The following HLA-DQB1 variants were observed in gnomAD, a reference collection of about 807,000 sequenced individuals.
HLA-DQB1 encodes the protein HLA class II histocompatibility antigen, DQ beta 1 chain.
A neutral mutation model predicts 26.4 loss-of-function variants in HLA-DQB1; 13 were observed. The observed-to-expected ratio is 0.49, with a 90% CI of 0.32 to 0.78. The LOEUF (loss-of-function observed/expected upper bound fraction) is 0.78, where lower values mean the gene tolerates loss of function less well. Ranked by LOEUF, HLA-DQB1 falls within the 30% of genes least tolerant of loss-of-function variation. The pLI is 0.03. For missense variants in HLA-DQB1, 158 were observed against 326.2 expected (o/e 0.48, Z 3.97); for synonymous variants, 60 against 129.1 (o/e 0.46, Z 3.63).
chr6:32,665,227 C>T lies in HLA-DQB1; in HGVS notation c.110-160G>A, dbSNP rs143370221. Among the ~76,000 whole-genome samples the T allele has an allele frequency of 0.015, 2,126 of 137,266 alleles. 159 individuals carry two copies. The South Asian group carries it at 0.17, about 11-fold the overall frequency. The allele number at this position is 137,266 out of a possible 152,430, so 90.1% of individuals were successfully genotyped here. On this transcript the variant is annotated intron_variant, in intron 1 of 4. Transcript: ENST00000434651. Reference sequence around the variant, plus strand: ...CCTGGGATCCTCCCGGCGGCTCTGCCCAGCTCTGCCCGCCTTCTTTGCGGG... The same window carrying T: ...CCTGGGATCCTCCCGGCGGCTCTGCTCAGCTCTGCCCGCCTTCTTTGCGGG...
rs1561997538 is a variant in HLA-DQB1 at position 32,662,945 on chromosome 6, C to CGT, written c.380-698_380-697insAC. Reference sequence around the variant, plus strand: ...CAGACATTATCGTGTATGTTCTCCACAGAAAATATTCTGAGATCCGTGCAG... The same window carrying CGT: ...CAGACATTATCGTGTATGTTCTCCACGTAGAAAATATTCTGAGATCCGTGCAG... On this transcript the variant is annotated intron_variant, in intron 2 of 4. Transcript: ENST00000434651. 22 of 126,408 alleles carry CGT rather than the reference C, an allele frequency of 1.7e-4. 1 individual carries two copies. The highest frequency in any genetic ancestry group is 6.6e-4 in the African/African-American group (22 of 33,532). 7.8% of individuals were successfully genotyped at this position (126,408 alleles called of 1,614,324 possible).
exon 4 of HLA-DQB1, chr6:32,661,420 A>T: frequency 8.2e-7 from 1 of 1,215,788 alleles, no homozygotes; most frequent in Non-Finnish European, 1.1e-6. Context: ...CTCCAACGCC[A>T]CTCAGCATCT....
intron 4 of HLA-DQB1, chr6:32,661,018 T>C: frequency 1.7e-6 from 1 of 598,694 alleles, no homozygotes; most frequent in East Asian, 3.5e-5. Flanking sequence ...AGCACCCTAA[T>C]TTAAAATCCC....
intron 2 of HLA-DQB1, 145 bp downstream of exon 2, chr6:32,664,653 C>CACCACT (rs2151024287): frequency 2.4e-5 from 6 of 246,464 alleles, no homozygotes; most frequent in Admixed American, 1.0e-4. Flanking sequence ...GCACCTGCCC[C>CACCACT]CACCACCCCG....
chr6:32,666,505 A>G (rs12722106), exon 1 of HLA-DQB1: 15,666 of 1,073,032 alleles, frequency 0.015, 1,205 homozygotes, highest in South Asian at 0.12. Context: ...TTACCGGGAG[A>G]GTCTCTGCCC....
intron 1 of HLA-DQB1, among the ~76,000 whole-genome samples, chr6:32,665,786 C>T (rs281861424): frequency 1.3e-4 from 17 of 129,286 alleles, no homozygotes; most frequent in African/African-American, 4.5e-4. Flanking sequence ...TATCTACACA[C>T]AGGATGTTAG....
At chr6:32,664,085 TTG>T (rs1179161720) in intron 2 of HLA-DQB1, 1 of 90,946 alleles carries the variant, frequency 1.1e-5, no homozygotes, top group Admixed American at 1.3e-4. Flanking sequence ...TGTTTTTTTC[TTG>T]AACCTAACTG....
intron 1 of HLA-DQB1, among the ~76,000 whole-genome samples, chr6:32,665,578 G>T (rs281861605): frequency 0.41 from 45,873 of 111,838 alleles, 12,850 homozygotes; most frequent in Middle Eastern, 0.56. Context: ...CCCAAGTCCC[G>T]TTGAGGTTCA....
intron 1 of HLA-DQB1, among the ~76,000 whole-genome samples, chr6:32,665,598 A>G (rs9274455): frequency 0.39 from 46,256 of 117,570 alleles, 12,723 homozygotes; most frequent in Middle Eastern, 0.55. Flanking sequence ...ACTCCCTTCT[A>G]TGTTGGAAAG....
chr6:32,665,568 C>T (rs28746820), intron 1 of HLA-DQB1, among the ~76,000 whole-genome samples: 4,563 of 88,142 alleles, frequency 0.052, 975 homozygotes, highest in East Asian at 0.14. Context: ...GATTTACCCT[C>T]CCAAGTCCCG....
chr6:32,661,705 G>A (rs9273794), intron 3 of HLA-DQB1: 111,548 of 417,058 alleles, frequency 0.27, 26,587 homozygotes, highest in East Asian at 0.52. Flanking sequence ...TAAGATCCCA[G>A]TCACCAGCCC....
In HLA-DQB1 at chr6:32,661,332, C is replaced by T. The variant is rs281864289; in HGVS notation, c.772+15G>A. The T allele has an allele frequency of 0.019, 26,778 of 1,422,050 alleles. 2,141 individuals are homozygous for T. The highest frequency in any genetic ancestry group is 0.16 in the East Asian group (6,203 of 37,722). 88.1% of individuals were successfully genotyped at this position (1,422,050 alleles called of 1,614,324 possible). ...GTCACAGCCCATCTTCCCCTTTTCC[C>T]CTGGGGTTCCTCACCTTTCTGACTC... On this transcript the variant is annotated intron_variant, in intron 4 of 4. Coordinates refer to ENST00000434651, the Ensembl canonical transcript of HLA-DQB1.
At chr6:32,660,813 T>C (rs117509699) in intron 4 of HLA-DQB1, 21,983 of 1,075,516 alleles carry the variant, frequency 0.02, 3,179 homozygotes, top group East Asian at 0.19. Context: ...TGCTCTTCCC[T>C]CTTATACCTG....
At chr6:32,664,152 C>T (rs28724263) in intron 2 of HLA-DQB1, 39,763 of 89,672 alleles carry the variant, frequency 0.44, 16,239 homozygotes, top group East Asian at 0.78. Flanking sequence ...ATTGAGCTCA[C>T]ACCACATACC....
chr6:32,660,322 G>A, intron 4 of HLA-DQB1, 73 bp from the exon 5 acceptor site: 1 of 767,522 alleles, frequency 1.3e-6, no homozygotes, highest in Non-Finnish European at 2.0e-6. Context: ...ACCCTTCAGG[G>A]GCCCCCTGCA....
chr6:32,663,199 G>T (rs536162695), intron 2 of HLA-DQB1: 5 of 127,186 alleles, frequency 3.9e-5, no homozygotes, highest in Admixed American at 2.6e-4. Context: ...TCAACAGACT[G>T]GGAGTAAAAA....
chr6:32,666,393 G>A (rs9274509), intron 1 of HLA-DQB1, 106 bp downstream of exon 1: 47,175 of 339,552 alleles, frequency 0.14, 4,457 homozygotes, highest in African/African-American at 0.24. Flanking sequence ...AAATGTTGAT[G>A]AAAGATTGTG....
exon 2 of HLA-DQB1, chr6:32,665,041 T>G (rs1130368): frequency 0.15 from 194,863 of 1,316,632 alleles, 37,065 homozygotes; most frequent in South Asian, 0.25. Context: ...AAGTAGCACA[T>G]GCCCTTAAAC....
At chr6:32,663,401 G>GATTAATCATA (rs1431618378) in intron 2 of HLA-DQB1, 2 of 109,338 alleles carry the variant, frequency 1.8e-5, no homozygotes, top group East Asian at 2.4e-4. Flanking sequence ...GATTAATCAT[G>GATTAATCATA]AATTTTCAAT....
Sources: gnomAD v4.1 joint callset for allele counts (sites outside exome capture counted in the v4.1 genomes callset) on GRCh38, gnomAD v4.1.1 for gene constraint, MANE v1.5 for transcripts, NCBI Gene and HGNC (gene_info 2026-07-23, HGNC 2026-07-21) for gene names.